The following ZFHX4 variants were observed in gnomAD, a reference collection of about 807,000 sequenced individuals.
ZFHX4 encodes zinc finger homeobox 4, also known as zinc finger homeobox protein 4.
ZFHX4 carries 56 observed loss-of-function variants against 267.6 expected under a neutral mutation model. The observed-to-expected ratio is 0.21, with a 90% confidence interval of 0.17 to 0.26. The LOEUF is 0.26. Among genes scored for constraint, ZFHX4 ranks in the 10% least tolerant of loss-of-function variants. The pLI is 1.00. For synonymous variants in ZFHX4, 1,778 were observed against 1,665.6 expected (o/e 1.07, Z -1.64); for missense variants, 4,332 against 4,420.0 (o/e 0.98, Z 0.56).
intron 4 of ZFHX4, among the ~76,000 whole-genome samples, chr8:76,782,725 G>A (rs777399293): frequency 2.0e-5 from 3 of 151,938 alleles, no homozygotes; most frequent in Non-Finnish European, 2.9e-5. Flanking sequence ...GCCATTATCC[G>A]AAAGACCATC....
chr8:76,752,031 C>T (rs1279366697), intron 3 of ZFHX4, among the ~76,000 whole-genome samples: 1 of 151,968 alleles, frequency 6.6e-6, no homozygotes, highest in Non-Finnish European at 1.5e-5. Context: ...TATATATTCC[C>T]ATGAAAATAA....
At chr8:76,860,955 G>T (rs984222573) in intron 10 of ZFHX4, among the ~76,000 whole-genome samples, 4 of 152,082 alleles carry the variant, frequency 2.6e-5, no homozygotes, top group African/African-American at 9.7e-5. Flanking sequence ...TAGAACTGTA[G>T]GAATAAAGGC....
At chr8:76,694,361 G>T (rs1034483) in intron 1 of ZFHX4, among the ~76,000 whole-genome samples, 4,943 of 152,232 alleles carry the variant, frequency 0.032, 111 homozygotes, top group Non-Finnish European at 0.045. Flanking sequence ...CGACTAAAGT[G>T]AATGTAAAGA....
intron 3 of ZFHX4, among the ~76,000 whole-genome samples, chr8:76,722,175 G>C (rs142280629): frequency 2.0e-5 from 3 of 152,142 alleles, no homozygotes; most frequent in Non-Finnish European, 1.5e-5. Flanking sequence ...TGTTCCTACT[G>C]TCAGAACATT....
At chr8:76,727,130 C>T (rs760808507) in intron 3 of ZFHX4, among the ~76,000 whole-genome samples, 5 of 152,088 alleles carry the variant, frequency 3.3e-5, no homozygotes, top group Admixed American at 6.6e-5. Flanking sequence ...CTGGCCAGGT[C>T]AGCCTGTTCG....
At chr8:76,800,388 C>T (rs1287839622) in intron 4 of ZFHX4, among the ~76,000 whole-genome samples, 2 of 152,148 alleles carry the variant, frequency 1.3e-5, no homozygotes, top group Non-Finnish European at 2.9e-5. Flanking sequence ...GTAATTAATG[C>T]ACCAGTCAGG....
chr8:76,775,895 CTTTTTTT>C (rs904035424), intron 3 of ZFHX4, among the ~76,000 whole-genome samples: 1 of 122,472 alleles, frequency 8.2e-6, no homozygotes, highest in Non-Finnish European at 1.8e-5. Context: ...AGTAAGTTTT[CTTTTTTT>C]TTTTTTTTTT....
intron 3 of ZFHX4, among the ~76,000 whole-genome samples, chr8:76,742,801 A>G (rs1182434382): frequency 6.6e-6 from 1 of 152,174 alleles, no homozygotes; most frequent in Non-Finnish European, 1.5e-5. Context: ...CATCAATAGT[A>G]TATTCCTAAA....
At chr8:76,794,505 G>T (rs1178272863) in intron 4 of ZFHX4, among the ~76,000 whole-genome samples, 2 of 152,076 alleles carry the variant, frequency 1.3e-5, no homozygotes, top group Non-Finnish European at 2.9e-5. Flanking sequence ...TCCCCCTGTT[G>T]TTAAGTTACA....
intron 3 of ZFHX4, among the ~76,000 whole-genome samples, chr8:76,752,485 TCCA>T (rs1419268615): frequency 2.9e-4 from 7 of 23,924 alleles, no homozygotes; most frequent in African/African-American, 8.9e-4. Flanking sequence ...CTACCAAAAA[TCCA>T]AAAAAAAAAA....
chr8:76,831,297 G>T (rs888671446), intron 4 of ZFHX4, among the ~76,000 whole-genome samples: 3 of 152,124 alleles, frequency 2.0e-5, no homozygotes, highest in Non-Finnish European at 4.4e-5. Flanking sequence ...TATATGATAC[G>T]TTGAAATGTG....
At chr8:76,790,773 A>G (rs1022520434) in intron 4 of ZFHX4, among the ~76,000 whole-genome samples, 1 of 152,052 alleles carries the variant, frequency 6.6e-6, no homozygotes, top group Non-Finnish European at 1.5e-5. Flanking sequence ...GGACAGCCCC[A>G]TTTTTAATCC....
At chr8:76,727,864 A>C (rs1305718613) in intron 3 of ZFHX4, among the ~76,000 whole-genome samples, 2 of 152,082 alleles carry the variant, frequency 1.3e-5, no homozygotes, top group African/African-American at 2.4e-5. Flanking sequence ...TTCCTCCCCG[A>C]GGCTCAGCAG....
chr8:76,749,706 A>G (rs1287822068), intron 3 of ZFHX4, among the ~76,000 whole-genome samples: 1 of 152,304 alleles, frequency 6.6e-6, no homozygotes, highest in Admixed American at 6.5e-5. Flanking sequence ...AAAACACATC[A>G]TGCTACAAAA....
chr8:76,794,080 T>C (rs1344661910), intron 4 of ZFHX4, among the ~76,000 whole-genome samples: 1 of 152,194 alleles, frequency 6.6e-6, no homozygotes, highest in Admixed American at 6.6e-5. Context: ...TTTTTGGTGA[T>C]GTTTCTGTTA....
intron 4 of ZFHX4, among the ~76,000 whole-genome samples, chr8:76,829,424 T>C (rs1015386399): frequency 6.6e-6 from 1 of 151,394 alleles, no homozygotes; most frequent in Non-Finnish European, 1.5e-5. Flanking sequence ...GAGTAATGAG[T>C]TGGAGACTCA....
rs752008765 is a variant in ZFHX4, at chr8:76,853,540, A to G, written c.6619A>G (p.Arg2207Gly). ...NPPITVLEDI[R>G]IDPQPTSLEH... Reference sequence around the variant, plus strand: ...TCCTATAACGGTTTTAGAAGATATCAGAATTGATCCACAGCCCACCTCTTT... The same window carrying G: ...TCCTATAACGGTTTTAGAAGATATCGGAATTGATCCACAGCCCACCTCTTT... Residue 2207 changes from arginine (R) to glycine (G), a missense_variant, in exon 10 of 11, where the codon AGA (arginine) becomes GGA (glycine). This residue lies in a region of ZFHX4 where 48 missense variants were observed against 95.4 expected (regional missense o/e 0.50). Transcript: ENST00000651372. 3.1e-6 allele frequency: 5 copies of G among 1,613,940 alleles called. No individual in the cohort carries two copies. In the East Asian group the frequency reaches 8.9e-5, roughly 29 times the overall value.
chr8:76,821,320 C>T (rs1811642380), intron 4 of ZFHX4, among the ~76,000 whole-genome samples: 1 of 152,144 alleles, frequency 6.6e-6, no homozygotes, highest in Non-Finnish European at 1.5e-5. Flanking sequence ...TGAGAATTTT[C>T]CACACTTGAC....
At position 76,853,183 on chromosome 8, in the gene ZFHX4, C is replaced by T; in HGVS notation, c.6262C>T (p.His2088Tyr). The change falls in exon 10 of 11, where the codon CAC becomes TAC. Residue 2088 changes from histidine (H) to tyrosine (Y), a missense_variant. This residue lies in a region of ZFHX4 where 1,371 missense variants were observed against 1,423.1 expected (regional missense o/e 0.96). Coordinates refer to ENST00000651372, the MANE Select transcript of ZFHX4 (RefSeq NM_024721.5). ...FPSIMMQPVQ[H>Y]PALPPQLALQ... Reference sequence around the variant, plus strand: ...TTCCATTATGATGCAACCTGTGCAACACCCTGCGCTTCCTCCCCAGCTTGC... The same window carrying T: ...TTCCATTATGATGCAACCTGTGCAATACCCTGCGCTTCCTCCCCAGCTTGC... 6.4e-7 allele frequency: 1 copy of T among 1,553,324 alleles called. No individual in the cohort carries two copies. Among genetic ancestry groups the T allele is most frequent in the Non-Finnish European group, 8.7e-7 (1 of 1,148,132 alleles).
Sources: allele counts gnomAD v4.1 joint callset (sites outside exome capture counted in the v4.1 genomes callset), GRCh38; gene constraint gnomAD v4.1.1; regional missense constraint gnomAD v4.1.1; transcripts MANE v1.5; gene names NCBI Gene and HGNC (gene_info 2026-07-23, HGNC 2026-07-21).